The following INPP4B variants were observed in gnomAD, a reference collection of about 807,000 sequenced individuals.
INPP4B encodes the protein inositol polyphosphate 4-phosphatase type II.
In INPP4B, 55 loss-of-function variants were observed where a neutral mutation model predicts 122.5. The observed-to-expected ratio is 0.45, with a 90% CI of 0.36 to 0.56. The LOEUF (loss-of-function observed/expected upper bound fraction) is 0.56, where lower values mean the gene tolerates loss of function less well. Among genes scored for constraint, INPP4B ranks in the 20% least tolerant of loss-of-function variants. The pLI, the probability that INPP4B is intolerant of heterozygous loss-of-function variation, is 0.00. For synonymous variants in INPP4B, 403 were observed against 388.7 expected, an observed-to-expected ratio of 1.04 and a Z score of -0.43; for missense variants, 1,000 against 1,097.7, an observed-to-expected ratio of 0.91 and a Z score of 1.26.
At chr4:142,782,298 C>A (rs1269613294) in intron 1 of INPP4B, among the ~76,000 whole-genome samples, 1 of 150,868 alleles carries the variant, frequency 6.6e-6, no homozygotes, top group Admixed American at 6.6e-5. Context: ...CATGTCCCTA[C>A]AAAGGACATG....
chr4:142,722,206 T>C (rs1764777364), intron 2 of INPP4B, among the ~76,000 whole-genome samples: 1 of 152,114 alleles, frequency 6.6e-6, no homozygotes, highest in Non-Finnish European at 1.5e-5. Context: ...TGTGAGTGAA[T>C]GTAGTGTAGG....
At chr4:142,446,544 T>C (rs1812950126) in intron 3 of INPP4B, among the ~76,000 whole-genome samples, 2 of 152,182 alleles carry the variant, frequency 1.3e-5, no homozygotes. Flanking sequence ...CTCTTACAAA[T>C]GCATATCAAA....
At chr4:142,409,312 G>A (rs546594998) in intron 5 of INPP4B, among the ~76,000 whole-genome samples, 1 of 152,272 alleles carries the variant, frequency 6.6e-6, no homozygotes, top group Non-Finnish European at 1.5e-5. Context: ...GGCCAACATG[G>A]CAAAACCCCA....
intron 15 of INPP4B, among the ~76,000 whole-genome samples, chr4:142,189,827 C>A (rs1349857587): frequency 6.6e-6 from 1 of 152,054 alleles, no homozygotes; most frequent in Non-Finnish European, 1.5e-5. Context: ...GCTTTGAATG[C>A]CCAGTGGATA....
At chr4:142,509,245 T>A (rs1161871396) in intron 2 of INPP4B, among the ~76,000 whole-genome samples, 1 of 152,238 alleles carries the variant, frequency 6.6e-6, no homozygotes, top group Non-Finnish European at 1.5e-5. Flanking sequence ...TTTTATTTTT[T>A]AAATTTAAGT....
chr4:142,136,076 T>G (rs1319422353), intron 18 of INPP4B, among the ~76,000 whole-genome samples: 1 of 152,126 alleles, frequency 6.6e-6, no homozygotes, highest in Non-Finnish European at 1.5e-5. Context: ...GGATTACAGG[T>G]GTGAGCCACC....
intron 2 of INPP4B, among the ~76,000 whole-genome samples, chr4:142,679,722 T>C (rs968457039): frequency 6.6e-6 from 1 of 151,778 alleles, no homozygotes; most frequent in African/African-American, 2.4e-5. Flanking sequence ...CAAGCCCTTA[T>C]CTAGCAGAGA....
chr4:142,656,571 A>T (rs554678548), intron 2 of INPP4B, among the ~76,000 whole-genome samples: 1 of 152,062 alleles, frequency 6.6e-6, no homozygotes, highest in South Asian at 2.1e-4. Context: ...TGGCCTAAGG[A>T]TCCCGCACAG....
intron 2 of INPP4B, among the ~76,000 whole-genome samples, chr4:142,703,749 A>G (rs1762108670): frequency 6.6e-6 from 1 of 152,184 alleles, no homozygotes; most frequent in African/African-American, 2.4e-5. Context: ...GGCAGAATGC[A>G]TTGGTACCAA....
At chr4:142,136,675 A>G (rs1015464881) in intron 18 of INPP4B, among the ~76,000 whole-genome samples, 3 of 152,174 alleles carry the variant, frequency 2.0e-5, no homozygotes, top group Admixed American at 1.3e-4. Flanking sequence ...GTAGGGGTAA[A>G]GAAATGTAGG....
At chr4:142,052,109 AT>A in intron 25 of INPP4B, among the ~76,000 whole-genome samples, 1 of 152,110 alleles carries the variant, frequency 6.6e-6, no homozygotes, top group South Asian at 2.1e-4. Context: ...GTCTTTTTTG[AT>A]CAAGAATAAA....
chr4:142,549,637 G>A (rs1045961531), intron 2 of INPP4B, among the ~76,000 whole-genome samples: 1 of 152,170 alleles, frequency 6.6e-6, no homozygotes, highest in East Asian at 1.9e-4. Flanking sequence ...CAGAGACTGT[G>A]TGCCTTTTTT....
At chr4:142,127,419 C>T (rs1471230538) in intron 18 of INPP4B, among the ~76,000 whole-genome samples, 1 of 151,948 alleles carries the variant, frequency 6.6e-6, no homozygotes, top group African/African-American at 2.4e-5. Flanking sequence ...CTTCCATCTT[C>T]ACTTATTTAA....
At position 142,582,232 on chromosome 4, in the gene INPP4B, T is replaced by G. The variant is rs142141970; in HGVS notation, c.-190-119506A>C. On this transcript the variant is annotated intron_variant, in intron 2 of 25. Coordinates refer to ENST00000262992, the MANE Select transcript of INPP4B (RefSeq NM_001101669.3). ...AATCTACTCACAAATGGCTATAGGT[T>G]GTAAAAAAGTAAATGTTACTAAAGT... Among the ~76,000 whole-genome samples the G allele has an allele frequency of 5.1e-3, 777 of 152,068 alleles. 5 individuals carry two copies. The highest frequency in any genetic ancestry group is 0.018 in the African/African-American group (734 of 41,502).
chr4:142,482,347 A>G (rs1008514241), intron 2 of INPP4B, among the ~76,000 whole-genome samples: 1 of 152,166 alleles, frequency 6.6e-6, no homozygotes, highest in Non-Finnish European at 1.5e-5. Context: ...TGGGTAGATA[A>G]GTTAATTCCA....
intron 25 of INPP4B, among the ~76,000 whole-genome samples, chr4:142,068,301 A>G (rs961366790): frequency 3.3e-5 from 5 of 152,210 alleles, no homozygotes; most frequent in Non-Finnish European, 7.4e-5. Flanking sequence ...TGTCACCACC[A>G]GGCCTGCCTT....
At chr4:142,553,370 C>G (rs889171630) in intron 2 of INPP4B, among the ~76,000 whole-genome samples, 1 of 152,176 alleles carries the variant, frequency 6.6e-6, no homozygotes, top group African/African-American at 2.4e-5. Context: ...TGCAATAAAT[C>G]TAAAACTAAG....
intron 2 of INPP4B, among the ~76,000 whole-genome samples, chr4:142,711,410 T>C (rs1763103955): frequency 6.6e-6 from 1 of 152,184 alleles, no homozygotes; most frequent in Non-Finnish European, 1.5e-5. Flanking sequence ...CAGTAATTTC[T>C]GTTTTGTAGA....
chr4:142,649,794 A>G (rs964804512), intron 2 of INPP4B, among the ~76,000 whole-genome samples: 4 of 152,250 alleles, frequency 2.6e-5, no homozygotes, highest in African/African-American at 9.6e-5. Flanking sequence ...AACGCTCTTC[A>G]GGATATTATC....
Sources: allele counts gnomAD v4.1 joint callset (sites outside exome capture counted in the v4.1 genomes callset), GRCh38; gene constraint gnomAD v4.1.1; transcripts MANE v1.5; gene names NCBI Gene and HGNC (gene_info 2026-07-23, HGNC 2026-07-21).